USP9X: variants seen among roughly 807,000 people sequenced by gnomAD.
USP9X encodes ubiquitin specific peptidase 9 X-linked.
Under a neutral mutation model 190.3 loss-of-function variants are expected in USP9X, and 7 were observed. That is an observed-to-expected ratio of 0.04 (90% CI 0.02 to 0.07). The LOEUF (loss-of-function observed/expected upper bound fraction) is 0.07, where lower values mean the gene tolerates loss of function less well. Among genes scored for constraint, USP9X ranks in the 10% least tolerant of loss-of-function variants. USP9X has a pLI of 1.00. For missense variants in USP9X, 1,010 were observed against 1,916.9 expected, an observed-to-expected ratio of 0.53 and a Z score of 8.83; for synonymous variants, 645 against 659.5, an observed-to-expected ratio of 0.98 and a Z score of 0.34.
At chrX:41,099,566 T>G (rs771962343) in intron 1 of USP9X, among the ~76,000 whole-genome samples, 39 of 112,074 alleles carry the variant, frequency 3.5e-4, no homozygotes, top group Non-Finnish European at 6.8e-4. Context: ...TGTCTAGTGT[T>G]TAGAATACTT....
At chrX:41,219,760 A>G (rs956326186) in intron 38 of USP9X, among the ~76,000 whole-genome samples, 2 of 112,312 alleles carry the variant, frequency 1.8e-5, no homozygotes, top group African/African-American at 3.2e-5. Flanking sequence ...GGCCAAGGCA[A>G]GAGGATTGCT....
chrX:41,156,713 CAT>C (rs1159653623), intron 14 of USP9X, among the ~76,000 whole-genome samples: 1 of 111,878 alleles, frequency 8.9e-6, no homozygotes, highest in Admixed American at 9.5e-5. Context: ...TGAACAGTAA[CAT>C]AGATGTTCTG....
At chrX:41,157,045 G>A (rs933129954) in intron 14 of USP9X, among the ~76,000 whole-genome samples, 1 of 111,869 alleles carries the variant, frequency 8.9e-6, no homozygotes, top group Non-Finnish European at 1.9e-5. Flanking sequence ...ATCAGAACTG[G>A]ACACGGGACA....
At chrX:41,086,146 C>T (rs759447302) in intron 1 of USP9X, 37 bp downstream of exon 1, 3 of 295,526 alleles carry the variant, frequency 1.0e-5, no homozygotes, top group East Asian at 4.8e-5. Flanking sequence ...CGCTCTTTCC[C>T]GGGGCCAACA....
At chrX:41,205,004 A>G (rs1363869116) in intron 31 of USP9X, 4 of 167,226 alleles carry the variant, frequency 2.4e-5, no homozygotes, top group African/African-American at 9.1e-5. Context: ...TACTTGCTCA[A>G]AGTTACTTGG....
At chrX:41,231,925 T>G (rs184495255) in intron 44 of USP9X, among the ~76,000 whole-genome samples, 1 of 111,256 alleles carries the variant, frequency 9.0e-6, no homozygotes, top group African/African-American at 3.3e-5. Flanking sequence ...TCTTGAACAT[T>G]GTTCTGTTTT....
At chrX:41,111,495 C>G (rs1224938876) in intron 1 of USP9X, among the ~76,000 whole-genome samples, 1 of 111,613 alleles carries the variant, frequency 9.0e-6, no homozygotes, top group Non-Finnish European at 1.9e-5. Flanking sequence ...TAGCTTCTGC[C>G]CTTAAGGAGC....
intron 16 of USP9X, 28 bp from the exon 17 acceptor site, chrX:41,167,454 A>G (rs778412865): frequency 1.7e-6 from 2 of 1,146,666 alleles, no homozygotes; most frequent in South Asian, 1.8e-5. Context: ...GTTGAAAGGG[A>G]TGAATACTTT....
chrX:41,135,529 T>C (rs2062364513), intron 5 of USP9X, among the ~76,000 whole-genome samples: 1 of 111,665 alleles, frequency 9.0e-6, no homozygotes, highest in African/African-American at 3.3e-5. Flanking sequence ...GTTCATTGAT[T>C]ATAAGATAGA....
At chrX:41,155,594 C>G (rs1372136565) in intron 14 of USP9X, among the ~76,000 whole-genome samples, 3 of 111,601 alleles carry the variant, frequency 2.7e-5, no homozygotes, top group Non-Finnish European at 5.6e-5. Context: ...CCAACAGTAA[C>G]AGTTTTTAGG....
rs778641876 is a variant in USP9X at position 41,184,431 on chromosome X, C to T, written c.3314C>T (p.Pro1105Leu). 8.3e-6 allele frequency: 10 copies of T among 1,210,977 alleles called. No homozygotes were observed. Among genetic ancestry groups the T allele is most frequent in the Non-Finnish European group, 1.1e-5 (10 of 895,304 alleles). The part of the protein sequence containing the change: ...VYALLMPAGA[P>L]LADDSSDFQF... Reference sequence around the variant, plus strand: ...GCCTTGTTAATGCCTGCTGGTGCACCTCTGGCTGATGATTCCTCTGATTTT... The same window carrying T: ...GCCTTGTTAATGCCTGCTGGTGCACTTCTGGCTGATGATTCCTCTGATTTT... The change falls in exon 23 of 45, where the codon CCT (proline) becomes CTT (leucine). Residue 1105 changes from proline to leucine, a missense_variant. By Grantham distance (98) the Pro-to-Leu change is moderately conservative. Transcript: ENST00000378308.
intron 1 of USP9X, among the ~76,000 whole-genome samples, chrX:41,116,377 C>T (rs919609179): frequency 8.9e-6 from 1 of 112,261 alleles, no homozygotes; most frequent in African/African-American, 3.2e-5. Flanking sequence ...GATACTGCTG[C>T]TTTGACTTGG....
At chrX:41,112,186 A>G (rs2062114979) in intron 1 of USP9X, among the ~76,000 whole-genome samples, 1 of 112,485 alleles carries the variant, frequency 8.9e-6, no homozygotes, top group African/African-American at 3.2e-5. Flanking sequence ...CATATTTTGC[A>G]TTTCAGTAAA....
At chrX:41,115,777 A>G (rs2062143794) in intron 1 of USP9X, among the ~76,000 whole-genome samples, 3 of 111,920 alleles carry the variant, frequency 2.7e-5, no homozygotes, top group Non-Finnish European at 5.6e-5. Flanking sequence ...TTTTTGGATG[A>G]AAAGAAAAAT....
chrX:41,143,666 G>T (rs2062441007), intron 10 of USP9X, among the ~76,000 whole-genome samples: 1 of 111,872 alleles, frequency 8.9e-6, no homozygotes, highest in Non-Finnish European at 1.9e-5. Flanking sequence ...GAATTTGTCA[G>T]TGGTTTTAAA....
At chrX:41,140,366 A>G (rs1005114743) in intron 6 of USP9X, among the ~76,000 whole-genome samples, 3 of 111,687 alleles carry the variant, frequency 2.7e-5, no homozygotes, top group African/African-American at 9.8e-5. Flanking sequence ...ATTCATTCTT[A>G]TATGGTGGGA....
chrX:41,139,297 T>C (rs1433590100), intron 6 of USP9X, among the ~76,000 whole-genome samples: 1 of 102,684 alleles, frequency 9.7e-6, no homozygotes, highest in African/African-American at 3.6e-5. Context: ...GAAAACACTA[T>C]TAAATTGAAA....
At chrX:41,135,926 C>G (rs1415521077) in intron 5 of USP9X, among the ~76,000 whole-genome samples, 1 of 111,172 alleles carries the variant, frequency 9.0e-6, no homozygotes, top group Non-Finnish European at 1.9e-5. Context: ...CCCCCATGCC[C>G]GGCCTCTGTT....
At chrX:41,231,880 A>T (rs901845087) in intron 44 of USP9X, among the ~76,000 whole-genome samples, 20 of 111,751 alleles carry the variant, frequency 1.8e-4, no homozygotes, top group African/African-American at 6.5e-4. Flanking sequence ...ACCCTGAGAA[A>T]GCTCTTATGT....
Sources: allele counts gnomAD v4.1 joint callset (sites outside exome capture counted in the v4.1 genomes callset), GRCh38; gene constraint gnomAD v4.1.1; transcripts MANE v1.5; gene names NCBI Gene and HGNC (gene_info 2026-07-23, HGNC 2026-07-21).